The following EYS variants were observed in gnomAD, a reference collection of about 807,000 sequenced individuals.
EYS encodes the protein protein eyes shut homolog.
A neutral mutation model predicts 282.1 loss-of-function variants in EYS; 250 were observed. The observed-to-expected ratio is 0.89, with a 90% CI of 0.80 to 0.98. The LOEUF (loss-of-function observed/expected upper bound fraction) is 0.98. Ranked by LOEUF, EYS falls within the 50% of genes least tolerant of loss-of-function variation. The pLI, the probability that EYS is intolerant of heterozygous loss-of-function variation, is 0.00. For synonymous variants in EYS, 1,355 were observed against 1,282.9 expected, an observed-to-expected ratio of 1.06 and a Z score of -1.20; for missense variants, 4,016 against 3,709.0, an observed-to-expected ratio of 1.08 and a Z score of -2.15.
At chr6:64,479,335 C>A (rs1776367201) in intron 26 of EYS, among the ~76,000 whole-genome samples, 1 of 151,968 alleles carries the variant, frequency 6.6e-6, no homozygotes, top group South Asian at 2.1e-4. Context: ...CACTTTACTG[C>A]TCCATGATAT....
chr6:65,505,711 T>G (rs1766630080), intron 2 of EYS, among the ~76,000 whole-genome samples: 1 of 152,144 alleles, frequency 6.6e-6, no homozygotes, highest in African/African-American at 2.4e-5. Flanking sequence ...TCAACTATCT[T>G]TCTTTTACTG....
chr6:64,816,179 A>T (rs768474071), intron 21 of EYS, among the ~76,000 whole-genome samples: 1 of 152,172 alleles, frequency 6.6e-6, no homozygotes, highest in African/African-American at 2.4e-5. Context: ...GAGTGGGAAC[A>T]GAACACGGTA....
At chr6:64,024,951 G>A (rs573096407) in intron 33 of EYS, among the ~76,000 whole-genome samples, 10 of 152,264 alleles carry the variant, frequency 6.6e-5, no homozygotes, top group East Asian at 3.9e-4. Context: ...ACATTTTGGC[G>A]ACCACGAAGG....
At chr6:64,891,451 G>C (rs971299886) in intron 18 of EYS, among the ~76,000 whole-genome samples, 1 of 151,936 alleles carries the variant, frequency 6.6e-6, no homozygotes, top group Non-Finnish European at 1.5e-5. Flanking sequence ...GCACAATGCT[G>C]AGCACTTGGG....
chr6:64,654,079 G>A (rs149399178), intron 22 of EYS, among the ~76,000 whole-genome samples: 16 of 152,076 alleles, frequency 1.1e-4, no homozygotes, highest in Non-Finnish European at 1.9e-4. Context: ...TTTACCTTAA[G>A]ATGTTTTATA....
intron 31 of EYS, among the ~76,000 whole-genome samples, chr6:64,167,480 A>G (rs1764329747): frequency 6.6e-6 from 1 of 152,152 alleles, no homozygotes; most frequent in African/African-American, 2.4e-5. Flanking sequence ...ACATGGGTTT[A>G]TTTATGGCAG....
chr6:64,189,187 TTATA>T (rs1393073469), intron 31 of EYS, among the ~76,000 whole-genome samples: 3 of 152,164 alleles, frequency 2.0e-5, no homozygotes, highest in African/African-American at 7.2e-5. Flanking sequence ...TGTAAAAAAA[TTATA>T]TATAAGTAAG....
chr6:63,822,724 A>G (rs1399542870), intron 36 of EYS: 1 of 152,198 alleles, frequency 6.6e-6, no homozygotes, highest in Non-Finnish European at 1.5e-5. Flanking sequence ...CTTTTCTACT[A>G]TGAGTATTGA....
chr6:64,883,562 G>T (rs1274066010), intron 19 of EYS, among the ~76,000 whole-genome samples: 2 of 151,316 alleles, frequency 1.3e-5, no homozygotes, highest in East Asian at 3.9e-4. Flanking sequence ...ATATAATCGT[G>T]TCTAGTTAAG....
intron 36 of EYS, among the ~76,000 whole-genome samples, chr6:63,858,004 C>T (rs1179337567): frequency 6.6e-6 from 1 of 151,994 alleles, no homozygotes; most frequent in East Asian, 1.9e-4. Context: ...GTAAAAGTAG[C>T]CTTGAGGCCA....
At chr6:64,169,957 T>C (rs1191623325) in intron 31 of EYS, among the ~76,000 whole-genome samples, 4 of 152,102 alleles carry the variant, frequency 2.6e-5, no homozygotes, top group Admixed American at 2.0e-4. Context: ...ACCCCTTGCT[T>C]GGATAAATAG....
At chr6:64,262,938 C>T (rs1767636821) in intron 30 of EYS, among the ~76,000 whole-genome samples, 1 of 151,956 alleles carries the variant, frequency 6.6e-6, no homozygotes, top group Admixed American at 6.6e-5. Flanking sequence ...AAGGGAGCAA[C>T]ATTATTACAC....
At chr6:64,772,444 A>G (rs1472760478) in intron 22 of EYS, among the ~76,000 whole-genome samples, 1 of 151,810 alleles carries the variant, frequency 6.6e-6, no homozygotes, top group African/African-American at 2.4e-5. Context: ...AATGCATAAT[A>G]ATCACATCAG....
intron 13 of EYS, among the ~76,000 whole-genome samples, chr6:65,024,250 C>G (rs564666066): frequency 1.6e-4 from 24 of 152,298 alleles, no homozygotes; most frequent in Non-Finnish European, 2.6e-4. Flanking sequence ...ATTTAAGTAG[C>G]ATTCATAGCA....
chr6:65,052,379 T>TA, intron 13 of EYS, among the ~76,000 whole-genome samples: 1 of 151,692 alleles, frequency 6.6e-6, no homozygotes, highest in South Asian at 2.1e-4. Flanking sequence ...CCCTACTTAA[T>TA]ACATTTTGTA....
chr6:64,015,452 C>T (rs187620071), intron 33 of EYS, among the ~76,000 whole-genome samples: 216 of 151,652 alleles, frequency 1.4e-3, no homozygotes, highest in Non-Finnish European at 2.1e-3. Flanking sequence ...TATAAAGTCT[C>T]AATCCAATAA....
intron 14 of EYS, among the ~76,000 whole-genome samples, chr6:64,994,560 T>G (rs1182809933): frequency 6.6e-6 from 1 of 152,088 alleles, no homozygotes; most frequent in Non-Finnish European, 1.5e-5. Context: ...TCTGTTTTTT[T>G]AAGGTTATTA....
At chr6:65,104,719 G>A (rs915723773) in intron 12 of EYS, among the ~76,000 whole-genome samples, 8 of 151,044 alleles carry the variant, frequency 5.3e-5, no homozygotes, top group Admixed American at 2.0e-4. Context: ...AGTTTGTATC[G>A]AATACAAAAT....
chr6:65,383,789 T>G (rs1029922864), intron 8 of EYS, among the ~76,000 whole-genome samples: 1 of 151,922 alleles, frequency 6.6e-6, no homozygotes, highest in Non-Finnish European at 1.5e-5. Context: ...TTTAACTAGT[T>G]TTTATAATTC....
Sources: allele counts gnomAD v4.1 joint callset (sites outside exome capture counted in the v4.1 genomes callset), GRCh38; gene constraint gnomAD v4.1.1; transcripts MANE v1.5; gene names NCBI Gene and HGNC (gene_info 2026-07-23, HGNC 2026-07-21).